The following DOCK10 variants were observed in gnomAD, a reference collection of about 807,000 sequenced individuals.
DOCK10 encodes the protein dedicator of cytokinesis protein 10.
A neutral mutation model predicts 280.1 loss-of-function variants in DOCK10; 145 were observed. That is an observed-to-expected ratio of 0.52 (90% CI 0.45 to 0.59). The LOEUF is 0.59. DOCK10 is among the 20% of genes least tolerant of loss of function. The pLI, the probability that DOCK10 is intolerant of heterozygous loss-of-function variation, is 0.00. For synonymous variants in DOCK10, 915 were observed against 942.2 expected (o/e 0.97, Z 0.53); for missense variants, 2,368 against 2,651.7 (o/e 0.89, Z 2.35).
At chr2:224,833,028 G>A (rs1051554763) in intron 26 of DOCK10, among the ~76,000 whole-genome samples, 2 of 151,990 alleles carry the variant, frequency 1.3e-5, no homozygotes, top group Non-Finnish European at 2.9e-5. Flanking sequence ...ATTCTTCTCC[G>A]AGCATTCCCT....
At chr2:224,964,495 GTTTC>G (rs960752870) in intron 1 of DOCK10, among the ~76,000 whole-genome samples, 1 of 147,816 alleles carries the variant, frequency 6.8e-6, no homozygotes, top group African/African-American at 2.5e-5. Flanking sequence ...TTTTTTTTTC[GTTTC>G]TTTCTTTTTT....
rs1201098044 is a variant in DOCK10, at chr2:224,802,031, G to GGAGT, written c.4274_4277dup (p.Thr1427LeufsTer6). 6.2e-7 allele frequency: 1 copy of GGAGT among 1,612,160 alleles called. No homozygotes were observed. Among genetic ancestry groups the GGAGT allele is most frequent in the Non-Finnish European group, 8.5e-7 (1 of 1,179,042 alleles). ...GCTTATGGCCTTCATGACTGGAAGT[G>GGAGT]GAGTGCATCCTGAAAACAAAAAAAG... is the stretch of plus-strand genomic sequence containing the variant. On this transcript the variant is annotated frameshift_variant, in exon 40 of 56. Coordinates refer to ENST00000258390, the MANE Select transcript of DOCK10 (RefSeq NM_014689.3). LOFTEE classifies it high-confidence loss of function.
intron 1 of DOCK10, among the ~76,000 whole-genome samples, chr2:224,985,821 A>G (rs1705959518): frequency 6.6e-6 from 1 of 151,254 alleles, no homozygotes; most frequent in Non-Finnish European, 1.5e-5. Context: ...TGGCCTAAGA[A>G]TGATTTGGCT....
In DOCK10 at chr2:224,874,106, T is replaced by C. The variant is rs982870436; in HGVS notation, c.1147A>G (p.Ile383Val). Residue 383 changes from isoleucine to valine, a missense_variant, in exon 11 of 56, where the codon ATC becomes GTC. Ile to Val is a conservative substitution (Grantham distance 29). Around this residue, in one of 2 missense-constraint regions of DOCK10, gnomAD observed 1,209 missense variants for 1,250.9 expected, o/e 0.97. Coordinates refer to ENST00000258390, the MANE Select transcript of DOCK10 (RefSeq NM_014689.3). Reference sequence around the variant, plus strand: ...GCAGCTTTTTCTTCAAATGGTTTGATCACAGACTCAGGTTCCAAGAGATCT... The same window carrying C: ...GCAGCTTTTTCTTCAAATGGTTTGACCACAGACTCAGGTTCCAAGAGATCT... ...KKDLLEPESV[I>V]KPFEEKAAKR... 3.1e-6 allele frequency: 5 copies of C among 1,609,670 alleles called. No homozygotes were observed. The African/African-American group carries it at 6.7e-5, about 21-fold the overall frequency.
chr2:224,979,300 T>C (rs1016338811), intron 1 of DOCK10, among the ~76,000 whole-genome samples: 4 of 152,224 alleles, frequency 2.6e-5, no homozygotes, highest in Non-Finnish European at 5.9e-5. Context: ...ATTTTATCAA[T>C]GAAGACACAA....
rs1574817466 is a variant in DOCK10, at chr2:224,786,019, A to G, written c.5655+1003T>C. ...AGACCAGCCTGGCCAACATAATGAA[A>G]CCCTGTCTCTACTAAAAAATACAAA... On this transcript the variant is annotated intron_variant, in intron 50 of 55. Coordinates refer to ENST00000258390, the MANE Select transcript of DOCK10 (RefSeq NM_014689.3). This position sits in a 1 kb window ranked among gnomAD's most constrained non-coding sequence, Gnocchi z 4.7. Among the ~76,000 whole-genome samples, 1 of 151,696 alleles carries G rather than the reference A, an allele frequency of 6.6e-6. No individual in the cohort carries two copies. The highest frequency in any genetic ancestry group is 2.0e-4 in the East Asian group (1 of 5,118).
At chr2:224,908,013 G>C (rs1700762787) in intron 3 of DOCK10, among the ~76,000 whole-genome samples, 1 of 152,130 alleles carries the variant, frequency 6.6e-6, no homozygotes, top group Admixed American at 6.5e-5. Context: ...AGACAGTCTT[G>C]ATGGATATTA....
At chr2:225,024,115 G>C (rs1300277636) in intron 1 of DOCK10, among the ~76,000 whole-genome samples, 2 of 152,170 alleles carry the variant, frequency 1.3e-5, no homozygotes, top group Admixed American at 1.3e-4. Flanking sequence ...CAACTGACCT[G>C]TATTTTTCAA....
chr2:224,822,675 T>C (rs1232487774), intron 28 of DOCK10, among the ~76,000 whole-genome samples: 1 of 152,042 alleles, frequency 6.6e-6, no homozygotes, highest in Non-Finnish European at 1.5e-5. Context: ...ATCATGCCAG[T>C]GTGCTCCAGC....
chr2:225,034,445 C>T (rs1305368770), intron 1 of DOCK10, among the ~76,000 whole-genome samples: 1 of 152,222 alleles, frequency 6.6e-6, no homozygotes, highest in Non-Finnish European at 1.5e-5. Flanking sequence ...TACCTTTCTG[C>T]AGGATTGCAT....
intron 3 of DOCK10, among the ~76,000 whole-genome samples, 153 bp downstream of exon 3, chr2:224,916,540 CAA>C (rs35956360): frequency 0.29 from 31,197 of 108,094 alleles, 2,628 homozygotes; most frequent in Middle Eastern, 0.32. Context: ...CACCCTCCCT[CAA>C]AAAAAAAAAA....
intron 1 of DOCK10, among the ~76,000 whole-genome samples, chr2:224,988,220 G>C (rs186811406): frequency 5.6e-4 from 85 of 152,194 alleles, no homozygotes; most frequent in African/African-American, 1.9e-3. Flanking sequence ...CCTTATCACG[G>C]TACCCTGTAG....
At chr2:224,784,645 C>A (rs1691603464) in intron 50 of DOCK10, 1 of 1,169,396 alleles carries the variant, frequency 8.6e-7, no homozygotes, top group Admixed American at 2.3e-5. Flanking sequence ...GTGATTTGCA[C>A]AAAAAGGTTA....
chr2:224,960,730 CTTTTTTTTTTTTTT>C (rs71281764), intron 1 of DOCK10, among the ~76,000 whole-genome samples: 4 of 70,258 alleles, frequency 5.7e-5, no homozygotes, highest in East Asian at 4.7e-4. Flanking sequence ...TCACCAAATT[CTTTTTTTTTTTTTT>C]TTTTTTTTTT....
At chr2:225,006,541 C>A (rs191402904) in intron 1 of DOCK10, among the ~76,000 whole-genome samples, 6 of 152,162 alleles carry the variant, frequency 3.9e-5, no homozygotes, top group African/African-American at 1.4e-4. Flanking sequence ...TTTCAAAGAC[C>A]AGTTCAAAGA....
At chr2:224,985,684 T>C (rs762682139) in intron 1 of DOCK10, among the ~76,000 whole-genome samples, 3 of 150,856 alleles carry the variant, frequency 2.0e-5, no homozygotes, top group Non-Finnish European at 4.4e-5. Flanking sequence ...ACCAAAATCG[T>C]ACTGAATCCT....
intron 33 of DOCK10, 58 bp from the exon 34 acceptor site, chr2:224,806,295 C>A: frequency 2.1e-6 from 2 of 930,940 alleles, no homozygotes; most frequent in Non-Finnish European, 3.3e-6. Flanking sequence ...CATTGTTAAC[C>A]CACATATGCC....
At chr2:224,935,642 A>T (rs2126043128) in intron 1 of DOCK10, among the ~76,000 whole-genome samples, 1 of 152,302 alleles carries the variant, frequency 6.6e-6, no homozygotes, top group South Asian at 2.1e-4. Context: ...GCCTCACAGG[A>T]TTAAATGAGA....
intron 1 of DOCK10, chr2:224,982,498 T>C: frequency 8.2e-7 from 1 of 1,226,062 alleles, no homozygotes; most frequent in Non-Finnish European, 1.0e-6. Context: ...TTCCTTGAGC[T>C]CTGATCATCT....
Sources: gnomAD v4.1 joint callset for allele counts (sites outside exome capture counted in the v4.1 genomes callset) on GRCh38, gnomAD v4.1.1 for gene constraint, gnomAD v4.1.1 regional missense constraint, Gnocchi (gnomAD v3.1) non-coding constraint, MANE v1.5 for transcripts, NCBI Gene and HGNC (gene_info 2026-07-23, HGNC 2026-07-21) for gene names.